ZBTB2: variants seen among roughly 807,000 people sequenced by gnomAD.
The protein encoded by ZBTB2 is zinc finger and BTB domain containing 2, also known as zinc finger and BTB domain-containing protein 2.
In ZBTB2, 2 loss-of-function variants were observed where a neutral mutation model predicts 39.5. The ratio of observed to expected loss-of-function variants is 0.05; its 90% CI spans 0.02 to 0.16. The LOEUF (loss-of-function observed/expected upper bound fraction) is 0.16. Ranked by LOEUF, ZBTB2 falls within the 10% of genes least tolerant of loss-of-function variation. The pLI is 1.00. For missense variants in ZBTB2, 391 were observed against 653.0 expected, an observed-to-expected ratio of 0.60 and a Z score of 4.37; for synonymous variants, 251 against 256.6, an observed-to-expected ratio of 0.98 and a Z score of 0.21.
In ZBTB2 at chr6:151,382,096, T is replaced by C. The variant is rs371536006; in HGVS notation, c.-12-8447A>G. The stretch of plus-strand genomic sequence containing the variant: ...CAGCATGTTACTGTACTGTAGGCAA[T>C]TATAATCCAATGGTAAGTATTTGTG... On this transcript the variant is annotated intron_variant, in intron 1 of 2. Coordinates refer to ENST00000325144, the MANE Select transcript of ZBTB2 (RefSeq NM_020861.3). Among the ~76,000 whole-genome samples the C allele has an allele frequency of 1.9e-3, 286 of 152,328 alleles. 1 individual carries two copies. The highest frequency in any genetic ancestry group is 6.4e-3 in the African/African-American group (267 of 41,580).
chr6:151,388,452 C>T (rs560938430), intron 1 of ZBTB2, among the ~76,000 whole-genome samples: 12 of 152,366 alleles, frequency 7.9e-5, no homozygotes, highest in African/African-American at 2.9e-4. Flanking sequence ...GGGGAAAGCA[C>T]ATCCACTTAC....
At chr6:151,371,291 C>T (rs995552133) in intron 2 of ZBTB2, among the ~76,000 whole-genome samples, 7 of 152,290 alleles carry the variant, frequency 4.6e-5, no homozygotes, top group Admixed American at 1.3e-4. Context: ...CAGTCCCTGC[C>T]CTCAAGAAAC....
rs3734792 is a variant in ZBTB2, at chr6:151,366,712, G to C, written c.354C>G (p.Ala118=). ...IQEASLASQG[A]FSHPDQVFPL... is the part of the protein sequence containing the mutation. ...GGAAAACTTGGTCAGGGTGAGAAAAGGCTCCCTGGCTGGCGAGGCTGGCTT... is the reference window on the plus strand; with the variant it reads ...GGAAAACTTGGTCAGGGTGAGAAAACGCTCCCTGGCTGGCGAGGCTGGCTT... Residue 118 remains alanine (A), a synonymous_variant, in exon 3 of 3, where the codon GCC becomes GCG. Coordinates refer to ENST00000325144, the MANE Select transcript of ZBTB2 (RefSeq NM_020861.3). This position sits in a 1 kb window ranked among gnomAD's most constrained non-coding sequence, Gnocchi z 7.1. 1,236 of 1,614,144 alleles carry C rather than the reference G, an allele frequency of 7.7e-4. 9 individuals carry two copies. Among genetic ancestry groups the C allele is most frequent in the East Asian group, 1.9e-3 (86 of 44,862 alleles).
intron 2 of ZBTB2, chr6:151,370,106 T>C (rs1778754044): frequency 1.0e-6 from 1 of 977,164 alleles, no homozygotes. Context: ...TATACTTACA[T>C]CTAAGTAGTT....
chr6:151,365,440 A>G lies in ZBTB2; in HGVS notation c.*81T>C. 2.0e-6 allele frequency: 3 copies of G among 1,471,884 alleles called. No homozygotes were observed. The South Asian group carries it at 4.1e-5, about 20-fold the overall frequency. 91.2% of individuals were successfully genotyped at this position (1,471,884 alleles called of 1,614,324 possible). A position where few individuals can be genotyped will look rare whatever the true frequency, so the allele number is the denominator to read the frequency against. On this transcript the variant is annotated 3_prime_UTR_variant, in exon 3 of 3. Coordinates refer to ENST00000325144, the MANE Select transcript of ZBTB2 (RefSeq NM_020861.3). The surrounding 1 kb of genome is among the most constrained non-coding windows in gnomAD (Gnocchi z 5.6). The stretch of plus-strand genomic sequence containing the variant: ...AGGACCTGTTTGTATCATGCCATGG[A>G]GAACTACAGTTCTGAATTCAGGGAA...
chr6:151,374,177 GAATC>G (rs1226097685), intron 1 of ZBTB2, among the ~76,000 whole-genome samples: 1 of 152,172 alleles, frequency 6.6e-6, no homozygotes, highest in Non-Finnish European at 1.5e-5. Flanking sequence ...GGCAGGGTGA[GAATC>G]AATAAGTCTG....
chr6:151,388,585 T>C (rs1446075653), intron 1 of ZBTB2, among the ~76,000 whole-genome samples: 1 of 152,212 alleles, frequency 6.6e-6, no homozygotes, highest in Non-Finnish European at 1.5e-5. Flanking sequence ...CAGGTTGGTT[T>C]TGAACTCTTG....
chr6:151,380,659 C>G (rs1779014330), intron 1 of ZBTB2, among the ~76,000 whole-genome samples: 1 of 152,160 alleles, frequency 6.6e-6, no homozygotes, highest in Non-Finnish European at 1.5e-5. Flanking sequence ...GCATTTTGTA[C>G]TCTTCCTCCC....
rs1240140147 is a variant in ZBTB2, at chr6:151,380,665, C to T, written c.-12-7016G>A. 2.6e-5 allele frequency among the ~76,000 whole-genome samples: 4 copies of T among 152,304 alleles called. No homozygotes were observed. In the East Asian group the frequency reaches 7.7e-4, roughly 29 times the overall value. On this transcript the variant is annotated intron_variant, in intron 1 of 2. Transcript: ENST00000325144. Reference sequence around the variant, plus strand: ...CTCTTGGCGGCATTTTGTACTCTTCCTCCCGCTCTGATAAATCTTTGGTCT... The same window carrying T: ...CTCTTGGCGGCATTTTGTACTCTTCTTCCCGCTCTGATAAATCTTTGGTCT...
At chr6:151,380,846 T>C (rs1779019009) in intron 1 of ZBTB2, among the ~76,000 whole-genome samples, 1 of 152,176 alleles carries the variant, frequency 6.6e-6, no homozygotes, top group East Asian at 1.9e-4. Context: ...TCACTTCTCC[T>C]TGGCTGTCCC....
At chr6:151,367,914 C>T (rs972075367) in intron 2 of ZBTB2, among the ~76,000 whole-genome samples, 6 of 152,134 alleles carry the variant, frequency 3.9e-5, no homozygotes, top group African/African-American at 7.2e-5. Flanking sequence ...CCCAGACCAT[C>T]GGTAGTAACA....
intron 2 of ZBTB2, among the ~76,000 whole-genome samples, chr6:151,372,578 G>A (rs1430303476): frequency 6.6e-6 from 1 of 151,872 alleles, no homozygotes; most frequent in African/African-American, 2.4e-5. Flanking sequence ...GAAGAAGGGA[G>A]ATCATTTTCC....
At chr6:151,390,326 C>T (rs566028033) in intron 1 of ZBTB2, among the ~76,000 whole-genome samples, 260 of 136,730 alleles carry the variant, frequency 1.9e-3, no homozygotes, top group Middle Eastern at 4.1e-3. Context: ...CTCTGGCCCC[C>T]TCCGGTCTCG....
intron 2 of ZBTB2, among the ~76,000 whole-genome samples, 162 bp downstream of exon 2, chr6:151,373,303 A>G (rs1686042508): frequency 6.6e-6 from 1 of 151,826 alleles, no homozygotes; most frequent in Non-Finnish European, 1.5e-5. Context: ...TGCTACTGAA[A>G]GCACCTGTAA....
chr6:151,370,025 A>G, intron 2 of ZBTB2: 1 of 857,246 alleles, frequency 1.2e-6, no homozygotes, highest in Non-Finnish European at 1.4e-6. Flanking sequence ...ACCTCTGTCA[A>G]TCACTCAGCT....
rs144152721 is a variant in ZBTB2, at chr6:151,365,594, G to A, written c.1472C>T (p.Ser491Leu). The change falls in exon 3 of 3, where the codon TCG becomes TTG. Residue 491 changes from serine (S) to leucine (L), a missense_variant. Coordinates refer to ENST00000325144, the MANE Select transcript of ZBTB2 (RefSeq NM_020861.3). This position sits in a 1 kb window ranked among gnomAD's most constrained non-coding sequence, Gnocchi z 5.6. ...TGGGTGGTCAGGCTCCGTTACTTCCGAGTCCCCACTGCCCAGGAGAATGGA... is the reference window on the plus strand; with the variant it reads ...TGGGTGGTCAGGCTCCGTTACTTCCAAGTCCCCACTGCCCAGGAGAATGGA... ...GRSILLGSGD[S>L]EVTEPDHPVL... 14 of 1,614,080 alleles carry A rather than the reference G, an allele frequency of 8.7e-6. No individual in the cohort carries two copies. The highest frequency in any genetic ancestry group is 4.5e-5 in the East Asian group (2 of 44,902).
chr6:151,380,021 A>C (rs1238291637), intron 1 of ZBTB2, among the ~76,000 whole-genome samples: 2 of 152,196 alleles, frequency 1.3e-5, no homozygotes, highest in African/African-American at 4.8e-5. Flanking sequence ...TTAGGAATTT[A>C]AGAGAGTCTA....
chr6:151,382,580 C>T lies in ZBTB2; in HGVS notation c.-13+8840G>A, dbSNP rs1254797248. On this transcript the variant is annotated intron_variant, in intron 1 of 2. Transcript: ENST00000325144. ...TTTTTTTTTTTTTGAGACAGAGTTT[C>T]GCTCTTGTTGCCCAGGCTGGAGTGA... is the stretch of plus-strand genomic sequence containing the variant. 5.4e-5 allele frequency among the ~76,000 whole-genome samples: 8 copies of T among 146,814 alleles called. 1 individual carries two copies. The South Asian group carries it at 1.5e-3, about 28-fold the overall frequency.
chr6:151,390,415 C>T (rs1206949041), intron 1 of ZBTB2, among the ~76,000 whole-genome samples: 1 of 150,368 alleles, frequency 6.7e-6, no homozygotes, highest in African/African-American at 2.4e-5. Flanking sequence ...CCGCGTTGCA[C>T]GCTCGCCGCT....
Sources: gnomAD v4.1 joint callset for allele counts (sites outside exome capture counted in the v4.1 genomes callset) on GRCh38, gnomAD v4.1.1 for gene constraint, Gnocchi (gnomAD v3.1) non-coding constraint, MANE v1.5 for transcripts, NCBI Gene and HGNC (gene_info 2026-07-23, HGNC 2026-07-21) for gene names.